Variants in ARB2A observed in about 807,000 individuals in gnomAD.
The protein encoded by ARB2A is ARB2 cotranscriptional regulator A, also known as cotranscriptional regulator ARB2A.
chr5:93,738,834 G>C, the ARB2A span: 1 of 152,230 alleles, frequency 6.6e-6, no homozygotes. Context: ...TATGTTTGGA[G>C]TGATGGAAAA....
the ARB2A span, among the ~76,000 whole-genome samples, chr5:93,950,255 A>G: frequency 6.6e-6 from 1 of 152,336 alleles, no homozygotes; most frequent in African/African-American, 2.4e-5. Context: ...GATATCATAC[A>G]CAAATCTATT....
At chr5:94,020,340 C>A in the ARB2A span, among the ~76,000 whole-genome samples, 1 of 151,954 alleles carries the variant, frequency 6.6e-6, no homozygotes, top group Non-Finnish European at 1.5e-5. Context: ...CAGGTTGATG[C>A]GTGCAGCAAA....
At chr5:93,945,680 A>G in the ARB2A span, among the ~76,000 whole-genome samples, 1 of 152,168 alleles carries the variant, frequency 6.6e-6, no homozygotes, top group African/African-American at 2.4e-5. Flanking sequence ...CATTCCAGTA[A>G]CTCAAAACCA....
the ARB2A span, among the ~76,000 whole-genome samples, chr5:93,790,257 C>T: frequency 6.6e-6 from 1 of 152,188 alleles, no homozygotes; most frequent in Non-Finnish European, 1.5e-5. Context: ...GGACATGGCA[C>T]ACAGTACATA....
At chr5:93,664,596 A>C in the ARB2A span, among the ~76,000 whole-genome samples, 1 of 150,454 alleles carries the variant, frequency 6.6e-6, no homozygotes, top group Non-Finnish European at 1.5e-5. Context: ...GCGCCACTGC[A>C]CTCCAGCCTG....
the ARB2A span, among the ~76,000 whole-genome samples, chr5:93,751,511 T>A: frequency 3.5e-3 from 531 of 152,214 alleles, 4 homozygotes; most frequent in African/African-American, 0.012. Context: ...AGAAATATTT[T>A]CCTTTGGAAA....
chr5:93,934,458 C>T, the ARB2A span, among the ~76,000 whole-genome samples: 1 of 152,112 alleles, frequency 6.6e-6, no homozygotes, highest in African/African-American at 2.4e-5. Context: ...CCCCTCCTTC[C>T]ATGCAAGTGA....
chr5:94,072,801 GA>G, the ARB2A span, among the ~76,000 whole-genome samples: 2 of 152,204 alleles, frequency 1.3e-5, no homozygotes, highest in East Asian at 3.9e-4. Context: ...ATCTCCAAAA[GA>G]GATGACATAA....
the ARB2A span, chr5:93,733,270 G>T: frequency 1.4e-5 from 2 of 147,914 alleles, no homozygotes; most frequent in Admixed American, 1.4e-4. Flanking sequence ...GCATGATCTT[G>T]GCTCACTGCA....
At chr5:93,867,852 G>GA in the ARB2A span, among the ~76,000 whole-genome samples, 14 of 145,506 alleles carry the variant, frequency 9.6e-5, no homozygotes, top group East Asian at 8.0e-4. Context: ...ACTTTTCAAG[G>GA]AAAAAAAAAA....
chr5:93,788,449 C>T, the ARB2A span, among the ~76,000 whole-genome samples: 1 of 152,138 alleles, frequency 6.6e-6, no homozygotes, highest in South Asian at 2.1e-4. Flanking sequence ...ATCCTGCAGA[C>T]CTTTTCTGTC....
At chr5:93,956,675 T>A in the ARB2A span, among the ~76,000 whole-genome samples, 11 of 150,746 alleles carry the variant, frequency 7.3e-5, no homozygotes, top group Non-Finnish European at 1.6e-4. Flanking sequence ...CTAGCCTAAT[T>A]TAAAAAAAAA....
the ARB2A span, among the ~76,000 whole-genome samples, chr5:93,653,333 C>T: frequency 1.3e-5 from 2 of 150,592 alleles, no homozygotes; most frequent in South Asian, 2.1e-4. Flanking sequence ...ACGGTGAAAC[C>T]CCATCTCTAC....
the ARB2A span, among the ~76,000 whole-genome samples, chr5:93,705,637 G>A: frequency 6.8e-5 from 10 of 147,506 alleles, no homozygotes; most frequent in African/African-American, 2.3e-4. Context: ...GTGTGTGTGT[G>A]TGTGTGTGTG....
the ARB2A span, among the ~76,000 whole-genome samples, chr5:93,826,535 C>T: frequency 6.6e-6 from 1 of 152,168 alleles, no homozygotes; most frequent in Non-Finnish European, 1.5e-5. Context: ...ACAAATCTGT[C>T]TAAGCTCTCC....
chr5:93,872,190 C>T, the ARB2A span, among the ~76,000 whole-genome samples: 9 of 152,140 alleles, frequency 5.9e-5, no homozygotes, highest in African/African-American at 1.2e-4. Context: ...TCAAGTGATC[C>T]GCCTGCCTCG....
At chr5:93,756,267 C>T in the ARB2A span, among the ~76,000 whole-genome samples, 2 of 152,198 alleles carry the variant, frequency 1.3e-5, no homozygotes, top group Non-Finnish European at 2.9e-5. Context: ...ACCCTGCCCC[C>T]ATATGATGAT....
chr5:94,069,248 T>A, the ARB2A span, among the ~76,000 whole-genome samples: 3 of 152,168 alleles, frequency 2.0e-5, no homozygotes, highest in Non-Finnish European at 4.4e-5. Context: ...CGTAGAAGAA[T>A]GAAACTGGAG....
the ARB2A span, among the ~76,000 whole-genome samples, chr5:93,804,258 ATAAAAGATAAATAACT>A: frequency 6.6e-6 from 1 of 152,046 alleles, no homozygotes; most frequent in Non-Finnish European, 1.5e-5. Flanking sequence ...GAAAAAGAAT[ATAAAAGATAAATAACT>A]TCAAAGAAAG....
Sources: allele counts gnomAD v4.1 joint callset (sites outside exome capture counted in the v4.1 genomes callset), GRCh38; gene constraint gnomAD v4.1.1; transcripts MANE v1.5; gene names NCBI Gene and HGNC (gene_info 2026-07-23, HGNC 2026-07-21).